TENM2: variants seen among roughly 807,000 people sequenced by gnomAD.
TENM2 encodes teneurin transmembrane protein 2.
Under a neutral mutation model 245.2 loss-of-function variants are expected in TENM2, and 52 were observed. That is an observed-to-expected ratio of 0.21 (90% confidence interval 0.17 to 0.27). TENM2 has a LOEUF of 0.27. TENM2 is among the 10% of genes least tolerant of loss of function. The probability of loss-of-function intolerance (pLI) is 1.00; values close to 1 mark genes in which losing one functional copy is unlikely to be tolerated. For missense variants in TENM2, 3,046 were observed against 3,666.8 expected, an observed-to-expected ratio of 0.83 and a Z score of 4.37; for synonymous variants, 1,363 against 1,438.9, an observed-to-expected ratio of 0.95 and a Z score of 1.19.
intron 2 of TENM2, among the ~76,000 whole-genome samples, chr5:167,751,032 A>G (rs1226782257): frequency 6.6e-6 from 1 of 152,218 alleles, no homozygotes; most frequent in Non-Finnish European, 1.5e-5. Context: ...GAAGGTAGCC[A>G]CAGGGAGGGA....
intron 4 of TENM2, among the ~76,000 whole-genome samples, chr5:167,987,592 A>C (rs1783343955): frequency 6.6e-6 from 1 of 152,012 alleles, no homozygotes; most frequent in Admixed American, 6.5e-5. Context: ...AAGTCCTGGG[A>C]TTACAGGCAT....
intron 2 of TENM2, among the ~76,000 whole-genome samples, chr5:167,726,578 CCT>C (rs1426927818): frequency 2.0e-5 from 3 of 152,164 alleles, no homozygotes; most frequent in Non-Finnish European, 4.4e-5. Flanking sequence ...CCTGCCTCAG[CCT>C]GCCAAGTAGC....
chr5:167,840,666 G>A (rs983307860), intron 2 of TENM2, among the ~76,000 whole-genome samples: 2 of 152,042 alleles, frequency 1.3e-5, no homozygotes, highest in Non-Finnish European at 2.9e-5. Context: ...GAGACAGGGA[G>A]CAACAACAGA....
chr5:168,062,886 C>T (rs751439449), intron 7 of TENM2, among the ~76,000 whole-genome samples: 7 of 152,192 alleles, frequency 4.6e-5, no homozygotes, highest in East Asian at 1.9e-4. Flanking sequence ...CTAACTGCCA[C>T]GGGGTTTTTG....
At chr5:168,062,086 A>G (rs1450031026) in exon 7 of TENM2, 23 of 1,611,786 alleles carry the variant, frequency 1.4e-5, no homozygotes, top group Non-Finnish European at 1.8e-5. Context: ...AAACAGCAGC[A>G]TAGACAGTGG....
chr5:167,001,358 T>A, the TENM2 span, among the ~76,000 whole-genome samples: 1 of 152,256 alleles, frequency 6.6e-6, no homozygotes, highest in East Asian at 1.9e-4. Flanking sequence ...CATTCATATT[T>A]CATGTTTCTT....
At chr5:167,866,207 G>A (rs1455707398) in intron 2 of TENM2, among the ~76,000 whole-genome samples, 2 of 152,178 alleles carry the variant, frequency 1.3e-5, no homozygotes, top group Non-Finnish European at 2.9e-5. Context: ...GTCTCTAGAA[G>A]GTGTTTGCCA....
chr5:167,777,566 G>A (rs1015451383), intron 2 of TENM2, among the ~76,000 whole-genome samples: 2 of 152,152 alleles, frequency 1.3e-5, no homozygotes, highest in African/African-American at 4.8e-5. Flanking sequence ...TTTTACATGT[G>A]TGATTTTGAG....
At chr5:168,253,875 G>T (rs572069346) in intron 27 of TENM2, among the ~76,000 whole-genome samples, 2 of 152,328 alleles carry the variant, frequency 1.3e-5, no homozygotes, top group South Asian at 4.1e-4. Flanking sequence ...GCTCTGAATG[G>T]CATTGCTTTA....
chr5:167,221,484 G>A, the TENM2 span, among the ~76,000 whole-genome samples: 1 of 152,196 alleles, frequency 6.6e-6, no homozygotes, highest in African/African-American at 2.4e-5. Flanking sequence ...GTGGGAACCT[G>A]TGGATGGCTG....
chr5:167,144,626 A>G, the TENM2 span, among the ~76,000 whole-genome samples: 2 of 152,168 alleles, frequency 1.3e-5, no homozygotes, highest in African/African-American at 2.4e-5. Flanking sequence ...GGCAGGATCC[A>G]TTAGGACCTC....
At chr5:167,503,319 C>A (rs1453880054) in intron 2 of TENM2, among the ~76,000 whole-genome samples, 1 of 152,044 alleles carries the variant, frequency 6.6e-6, no homozygotes, top group African/African-American at 2.4e-5. Flanking sequence ...TCTCCTTTTT[C>A]TCACTTAACA....
chr5:167,807,118 C>A (rs1054383299), intron 2 of TENM2, among the ~76,000 whole-genome samples: 1 of 98,116 alleles, frequency 1.0e-5, no homozygotes, highest in Non-Finnish European at 1.8e-5. Flanking sequence ...CCCAAAGCCC[C>A]TAGGTTAAAA....
At chr5:167,504,731 C>T (rs1769429519) in intron 2 of TENM2, among the ~76,000 whole-genome samples, 1 of 152,106 alleles carries the variant, frequency 6.6e-6, no homozygotes, top group Non-Finnish European at 1.5e-5. Flanking sequence ...TAGTTTTGTT[C>T]CAGAAGTAAT....
At chr5:168,141,054 C>G (rs2090476077) in intron 12 of TENM2, among the ~76,000 whole-genome samples, 1 of 152,054 alleles carries the variant, frequency 6.6e-6, no homozygotes, top group Non-Finnish European at 1.5e-5. Flanking sequence ...CATAGTCCCG[C>G]TGGGCTATGC....
At chr5:167,511,704 A>T (rs745541680) in intron 2 of TENM2, among the ~76,000 whole-genome samples, 2 of 152,204 alleles carry the variant, frequency 1.3e-5, no homozygotes, top group African/African-American at 4.8e-5. Context: ...TGCCATAAGC[A>T]TTGCAAGAAC....
chr5:167,813,367 CT>C (rs1766786802), intron 2 of TENM2, among the ~76,000 whole-genome samples: 1 of 150,600 alleles, frequency 6.6e-6, no homozygotes, highest in Admixed American at 6.6e-5. Context: ...GGTCCTTTTG[CT>C]GAAGAGCTTA....
the TENM2 span, among the ~76,000 whole-genome samples, chr5:166,991,557 T>C: frequency 6.6e-5 from 10 of 152,196 alleles, no homozygotes; most frequent in Admixed American, 6.5e-4. Flanking sequence ...GGTTGTATTC[T>C]TTTAGCACAA....
chr5:167,827,629 G>GGGC (rs1554126463), intron 2 of TENM2, among the ~76,000 whole-genome samples: 1 of 3,130 alleles, frequency 3.2e-4, no homozygotes, highest in South Asian at 0.025. Context: ...CTAGGTGGGC[G>GGGC]GGGGGGGGGG....
Sources: allele counts gnomAD v4.1 joint callset (sites outside exome capture counted in the v4.1 genomes callset), GRCh38; gene constraint gnomAD v4.1.1; transcripts MANE v1.5; gene names NCBI Gene and HGNC (gene_info 2026-07-23, HGNC 2026-07-21).